Variants in JPH3 observed in about 807,000 individuals in gnomAD.
JPH3 encodes the protein junctophilin-3.
Under a neutral mutation model 59.6 loss-of-function variants are expected in JPH3, and 11 were observed. The observed-to-expected ratio is 0.18, with a 90% CI of 0.12 to 0.31. The LOEUF (loss-of-function observed/expected upper bound fraction) is 0.31, where lower values mean the gene tolerates loss of function less well. Ranked by LOEUF, JPH3 falls within the 10% of genes least tolerant of loss-of-function variation. The pLI is 1.00. For missense variants in JPH3, 1,202 were observed against 1,105.7 expected, an observed-to-expected ratio of 1.09 and a Z score of -1.24; for synonymous variants, 673 against 483.6, an observed-to-expected ratio of 1.39 and a Z score of -5.14.
At chr16:87,645,594 T>A (rs1372547030) in intron 2 of JPH3, among the ~76,000 whole-genome samples, 1 of 152,196 alleles carries the variant, frequency 6.6e-6, no homozygotes, top group African/African-American at 2.4e-5. Context: ...CAGCCGCTGT[T>A]CTGAATCGGC....
intron 3 of JPH3, among the ~76,000 whole-genome samples, chr16:87,685,548 G>A (rs998987746): frequency 6.6e-6 from 1 of 152,248 alleles, no homozygotes. Context: ...CACGTGTAGC[G>A]TGCACGTGCA....
chr16:87,629,878 A>G (rs1256541591), intron 1 of JPH3, among the ~76,000 whole-genome samples: 1 of 151,482 alleles, frequency 6.6e-6, no homozygotes, highest in East Asian at 1.9e-4. Flanking sequence ...ATGTACCACA[A>G]GATGCTAATA....
chr16:87,692,790 G>C (rs2033633237), intron 4 of JPH3, among the ~76,000 whole-genome samples: 1 of 152,202 alleles, frequency 6.6e-6, no homozygotes, highest in Non-Finnish European at 1.5e-5. Flanking sequence ...AGGATGGCTG[G>C]GGAGACAGAA....
intron 1 of JPH3, among the ~76,000 whole-genome samples, chr16:87,635,191 G>T (rs1257228081): frequency 6.6e-6 from 1 of 152,156 alleles, no homozygotes; most frequent in African/African-American, 2.4e-5. Context: ...CCAGCAAAGC[G>T]TTCACCTTGC....
intron 1 of JPH3, among the ~76,000 whole-genome samples, chr16:87,627,135 C>G (rs1451132044): frequency 1.3e-5 from 2 of 152,250 alleles, no homozygotes; most frequent in African/African-American, 4.8e-5. Flanking sequence ...CATTAGTTGC[C>G]AAAGTTCTCC....
At chr16:87,684,577 G>C in intron 3 of JPH3, 1 of 366,356 alleles carries the variant, frequency 2.7e-6, no homozygotes, top group East Asian at 6.2e-5. Context: ...GCTGTCTGCT[G>C]CCCGCCCTCC....
chr16:87,691,861 G>A (rs537539665), intron 4 of JPH3, among the ~76,000 whole-genome samples: 391 of 152,234 alleles, frequency 2.6e-3, no homozygotes, highest in Non-Finnish European at 4.4e-3. Flanking sequence ...GTGCGCGCGC[G>A]GTTATTTTAG....
At chr16:87,641,707 A>G (rs1053214986) in intron 1 of JPH3, among the ~76,000 whole-genome samples, 2 of 152,208 alleles carry the variant, frequency 1.3e-5, no homozygotes, top group African/African-American at 2.4e-5. Context: ...AGGTGCCACC[A>G]TCTCTTGGAG....
intron 2 of JPH3, among the ~76,000 whole-genome samples, chr16:87,651,768 A>G (rs539813836): frequency 6.6e-6 from 1 of 152,380 alleles, no homozygotes; most frequent in East Asian, 1.9e-4. Context: ...CCTGGCGAAG[A>G]TGCTGCAGAC....
chr16:87,641,397 C>G (rs1031910198), intron 1 of JPH3, among the ~76,000 whole-genome samples: 5 of 152,150 alleles, frequency 3.3e-5, no homozygotes, highest in Admixed American at 3.3e-4. Flanking sequence ...GTGGACTTGC[C>G]TCCAGGTTAG....
chr16:87,610,127 T>C (rs1249425464), intron 1 of JPH3, among the ~76,000 whole-genome samples: 1 of 152,226 alleles, frequency 6.6e-6, no homozygotes, highest in Non-Finnish European at 1.5e-5. Context: ...GAGAATCTAA[T>C]GCTGCTGCTG....
intron 4 of JPH3, among the ~76,000 whole-genome samples, chr16:87,692,757 C>G (rs1419660942): frequency 6.6e-6 from 1 of 152,202 alleles, no homozygotes; most frequent in African/African-American, 2.4e-5. Flanking sequence ...TGGATATGAC[C>G]TGATGGTGGG....
intron 1 of JPH3, among the ~76,000 whole-genome samples, chr16:87,614,856 G>T (rs1267438489): frequency 7.0e-6 from 1 of 143,784 alleles, no homozygotes; most frequent in African/African-American, 2.6e-5. Context: ...CGGGATAAAC[G>T]CTGGTCCCTG....
chr16:87,682,353 G>T (rs1417594992), intron 2 of JPH3, among the ~76,000 whole-genome samples: 1 of 152,210 alleles, frequency 6.6e-6, no homozygotes, highest in East Asian at 1.9e-4. Flanking sequence ...CAGAGATGGG[G>T]GGTCAGGCTG....
At chr16:87,674,801 C>A (rs1457056913) in intron 2 of JPH3, among the ~76,000 whole-genome samples, 1 of 152,086 alleles carries the variant, frequency 6.6e-6, no homozygotes, top group African/African-American at 2.4e-5. Context: ...TGCTCTGTCG[C>A]CCAGGCTGGA....
chr16:87,662,562 G>A (rs543695738), intron 2 of JPH3, among the ~76,000 whole-genome samples: 26 of 152,278 alleles, frequency 1.7e-4, no homozygotes, highest in South Asian at 4.1e-4. Context: ...TGGATGAGGC[G>A]GGAGAACCAG....
At chr16:87,643,518 G>A (rs1364236698) in intron 1 of JPH3, among the ~76,000 whole-genome samples, 1 of 152,214 alleles carries the variant, frequency 6.6e-6, no homozygotes, top group East Asian at 1.9e-4. Context: ...CAGCAATGGG[G>A]AGCTCACTGT....
chr16:87,684,774 C>T (rs1250522255), intron 3 of JPH3, among the ~76,000 whole-genome samples: 2 of 152,224 alleles, frequency 1.3e-5, no homozygotes, highest in East Asian at 3.8e-4. Context: ...CCGCTGTGCC[C>T]CTCGGAAAGA....
intron 2 of JPH3, among the ~76,000 whole-genome samples, chr16:87,679,148 C>A (rs535398754): frequency 6.6e-6 from 1 of 152,216 alleles, no homozygotes; most frequent in Non-Finnish European, 1.5e-5. Flanking sequence ...GAGAGCTCCT[C>A]GACCTCCTGC....
Sources: allele counts gnomAD v4.1 joint callset (sites outside exome capture counted in the v4.1 genomes callset), GRCh38; gene constraint gnomAD v4.1.1; transcripts MANE v1.5; gene names NCBI Gene and HGNC (gene_info 2026-07-23, HGNC 2026-07-21).